Variants in TEKT5 observed in about 807,000 individuals in gnomAD.
The protein encoded by TEKT5 is tektin 5.
In TEKT5, 52 loss-of-function variants were observed where a neutral mutation model predicts 48.7. The ratio of observed to expected loss-of-function variants is 1.07; its 90% CI spans 0.86 to 1.35. The LOEUF is 1.35. TEKT5 is among the 40% of genes most tolerant of loss of function. TEKT5 has a pLI of 0.00. For missense variants in TEKT5, 831 were observed against 641.6 expected, an observed-to-expected ratio of 1.30 and a Z score of -3.19; for synonymous variants, 318 against 267.6, an observed-to-expected ratio of 1.19 and a Z score of -1.84.
intron 3 of TEKT5, among the ~76,000 whole-genome samples, chr16:10,684,217 G>C (rs1283171377): frequency 6.6e-6 from 1 of 152,162 alleles, no homozygotes; most frequent in Non-Finnish European, 1.5e-5. Flanking sequence ...CATTAAGTGA[G>C]GGTATGTCAG....
intron 5 of TEKT5, among the ~76,000 whole-genome samples, chr16:10,655,396 T>C: frequency 6.6e-6 from 1 of 152,206 alleles, no homozygotes; most frequent in African/African-American, 2.4e-5. Context: ...AATTACCTGA[T>C]CTGTCTAAAC....
rs1183352880 is a variant in TEKT5 at position 10,689,395 on chromosome 16, T to G, written c.649-72A>C. On this transcript the variant is annotated intron_variant, in intron 2 of 6. Transcript: ENST00000283025. ...AGTCTTCTCTCCCAGGCCAGAGCCC[T>G]CAGCTCTCCCCTCCCCTCTCACTGA... 1.2e-5 allele frequency: 16 copies of G among 1,353,452 alleles called. 1 individual carries two copies. The East Asian group carries it at 3.7e-4, about 31-fold the overall frequency. The allele number at this position is 1,353,452 out of a possible 1,614,324, so 83.8% of individuals were successfully genotyped here.
intron 5 of TEKT5, among the ~76,000 whole-genome samples, chr16:10,672,809 G>A (rs148351590): frequency 6.6e-6 from 1 of 151,434 alleles, no homozygotes; most frequent in African/African-American, 2.4e-5. Flanking sequence ...TGTTATGCCT[G>A]CATTAACTCA....
intron 3 of TEKT5, among the ~76,000 whole-genome samples, 163 bp downstream of exon 3, chr16:10,689,088 CTT>C (rs553006343): frequency 2.0e-5 from 3 of 147,678 alleles, no homozygotes; most frequent in Non-Finnish European, 3.0e-5. Context: ...GATCAGGACT[CTT>C]TTTTTTTTTC....
At chr16:10,673,595 T>C (rs1898586704) in intron 5 of TEKT5, among the ~76,000 whole-genome samples, 1 of 150,588 alleles carries the variant, frequency 6.6e-6, no homozygotes, top group Non-Finnish European at 1.5e-5. Flanking sequence ...CAGGCAGCCT[T>C]CCCCACTCCC....
At chr16:10,636,007 A>G in intron 5 of TEKT5, 89 bp from the exon 6 acceptor site, 1 of 1,550,878 alleles carries the variant, frequency 6.4e-7, no homozygotes. Flanking sequence ...CAGCTAGGTC[A>G]GCCTCCAGCC....
chr16:10,661,834 C>T (rs997542724), intron 5 of TEKT5, among the ~76,000 whole-genome samples: 2 of 152,078 alleles, frequency 1.3e-5, no homozygotes, highest in Non-Finnish European at 2.9e-5. Flanking sequence ...TCAGTTTCCC[C>T]ATGTGTATAA....
At chr16:10,629,470 C>A (rs769506739) in intron 6 of TEKT5, among the ~76,000 whole-genome samples, 1 of 152,122 alleles carries the variant, frequency 6.6e-6, no homozygotes, top group Non-Finnish European at 1.5e-5. Flanking sequence ...AGGCTGGTCT[C>A]GAACTCCTAA....
chr16:10,661,225 C>T (rs1898364753), intron 5 of TEKT5, among the ~76,000 whole-genome samples: 1 of 152,172 alleles, frequency 6.6e-6, no homozygotes, highest in Non-Finnish European at 1.5e-5. Flanking sequence ...TTTGCAACCC[C>T]TGTTATAAAC....
chr16:10,690,675 G>C, intron 1 of TEKT5: 2 of 985,408 alleles, frequency 2.0e-6, no homozygotes, highest in Non-Finnish European at 2.4e-6. Context: ...GGACAACCCT[G>C]CCACCTAGCC....
At chr16:10,685,109 G>A (rs1176733613) in intron 3 of TEKT5, among the ~76,000 whole-genome samples, 2 of 152,206 alleles carry the variant, frequency 1.3e-5, no homozygotes, top group African/African-American at 4.8e-5. Context: ...CACAGCCACT[G>A]CCCAGCGACA....
intron 5 of TEKT5, among the ~76,000 whole-genome samples, chr16:10,665,535 C>T (rs72783736): frequency 0.033 from 4,960 of 152,266 alleles, 124 homozygotes; most frequent in South Asian, 0.073. Flanking sequence ...GCATCTGTCG[C>T]CTACCTCCCC....
intron 5 of TEKT5, among the ~76,000 whole-genome samples, chr16:10,642,974 T>C (rs1170895148): frequency 6.6e-6 from 1 of 152,186 alleles, no homozygotes; most frequent in African/African-American, 2.4e-5. Flanking sequence ...AGGCGGATAG[T>C]GGATGTTCCC....
chr16:10,664,172 C>T (rs1898421494), intron 5 of TEKT5, among the ~76,000 whole-genome samples: 1 of 152,040 alleles, frequency 6.6e-6, no homozygotes, highest in Non-Finnish European at 1.5e-5. Flanking sequence ...GAATGTAAGC[C>T]CCCTGAGGGC....
chr16:10,673,156 C>A (rs563593117), intron 5 of TEKT5, among the ~76,000 whole-genome samples: 7 of 152,186 alleles, frequency 4.6e-5, no homozygotes, highest in Admixed American at 4.6e-4. Flanking sequence ...AGTCTCAGAA[C>A]GCAGTGGCCA....
In TEKT5 at chr16:10,694,732, T is replaced by G. The variant is rs201566192; in HGVS notation, c.142A>C (p.Asn48His). 2 of 1,613,886 alleles carry G rather than the reference T, an allele frequency of 1.2e-6. No individual in the cohort carries two copies. Among genetic ancestry groups the G allele is most frequent in the Non-Finnish European group, 1.7e-6 (2 of 1,179,946 alleles). Residue 48 changes from asparagine (N) to histidine (H), a missense_variant, in exon 1 of 7, where the codon AAT becomes CAT. Transcript: ENST00000283025. ...TAGAAGAGGCTAGGCCTCCATGAAT[T>G]GAGGTAGCGGTACCCGGGCAGGTAG... ...PYYLPGYRYL[N>H]SWRPSLFYKI...
intron 5 of TEKT5, among the ~76,000 whole-genome samples, chr16:10,665,763 G>C (rs1316957957): frequency 6.6e-6 from 1 of 152,212 alleles, no homozygotes; most frequent in Admixed American, 6.5e-5. Context: ...CTGAGCCCAC[G>C]TGACACTGGA....
At chr16:10,638,650 C>G (rs1321233213) in intron 5 of TEKT5, among the ~76,000 whole-genome samples, 1 of 152,226 alleles carries the variant, frequency 6.6e-6, no homozygotes, top group African/African-American at 2.4e-5. Flanking sequence ...TTCATGGGGT[C>G]ACCTGCTAGA....
chr16:10,653,539 T>C (rs893773984), intron 5 of TEKT5, among the ~76,000 whole-genome samples: 4 of 152,222 alleles, frequency 2.6e-5, no homozygotes, highest in African/African-American at 7.2e-5. Flanking sequence ...GCAATATGCA[T>C]TCAACATCGA....
Sources: allele counts gnomAD v4.1 joint callset (sites outside exome capture counted in the v4.1 genomes callset), GRCh38; gene constraint gnomAD v4.1.1; transcripts MANE v1.5; gene names NCBI Gene and HGNC (gene_info 2026-07-23, HGNC 2026-07-21).